The following SLC33A2 variants were observed in gnomAD, a reference collection of about 807,000 sequenced individuals.
The protein encoded by SLC33A2 is major facilitator superfamily domain containing 3.
At chr8:144,510,060 G>C in the SLC33A2 span, 1 of 1,561,730 alleles carries the variant, frequency 6.4e-7, no homozygotes, top group South Asian at 1.2e-5. Context: ...GGGCTTCCGG[G>C]ACAGCTCCAG....
chr8:144,509,812 CCTT>C, the SLC33A2 span: 15 of 1,541,078 alleles, frequency 9.7e-6, no homozygotes, highest in African/African-American at 1.5e-4. Context: ...CTGCTGCCCA[CCTT>C]CTCGTGGCCG....
chr8:144,510,113 T>C, the SLC33A2 span: 7 of 1,416,108 alleles, frequency 4.9e-6, no homozygotes, highest in Non-Finnish European at 4.7e-6. Context: ...GGCCACGCTC[T>C]TTCTGGGGTA....
At chr8:144,510,192 C>T in the SLC33A2 span, 1 of 1,295,164 alleles carries the variant, frequency 7.7e-7, no homozygotes, top group Non-Finnish European at 1.1e-6. Flanking sequence ...CCGCCCCCAG[C>T]TCTAGCCCCA....
chr8:144,511,038 G>A, the SLC33A2 span: 15 of 1,604,584 alleles, frequency 9.3e-6, no homozygotes, highest in East Asian at 4.5e-5. Flanking sequence ...TGGGGAAGCT[G>A]CTGCTGGGCA....
the SLC33A2 span, chr8:144,509,992 G>A: frequency 1.9e-6 from 3 of 1,595,988 alleles, no homozygotes; most frequent in Non-Finnish European, 2.5e-6. Context: ...TGGACGGCAG[G>A]CTTTGTGCTC....
the SLC33A2 span, chr8:144,509,756 C>T: frequency 2.6e-6 from 4 of 1,563,642 alleles, no homozygotes; most frequent in Non-Finnish European, 3.4e-6. Flanking sequence ...TGCAGGTGGT[C>T]GCGTACAAGC....
the SLC33A2 span, chr8:144,510,047 TTGGGG>T: frequency 6.3e-7 from 1 of 1,576,936 alleles, no homozygotes; most frequent in Non-Finnish European, 8.5e-7. Context: ...GCAACAGCAG[TTGGGG>T]CTTCCGGGAC....
chr8:144,509,809 C>T, the SLC33A2 span: 6 of 1,542,286 alleles, frequency 3.9e-6, no homozygotes, highest in African/African-American at 1.4e-5. Flanking sequence ...GCGCTGCTGC[C>T]CACCTTCTCG....
the SLC33A2 span, chr8:144,510,996 ACACTACAGCCTTCTGGCCACG>A: frequency 6.2e-7 from 1 of 1,600,950 alleles, no homozygotes; most frequent in Non-Finnish European, 8.5e-7. Context: ...CTCAGGCCAC[ACACTACAGCCTTCTGGCCACG>A]CTGGAGCTGC....
At chr8:144,510,391 TCTC>T in the SLC33A2 span, 330 of 1,612,670 alleles carry the variant, frequency 2.0e-4, no homozygotes, top group African/African-American at 3.2e-3. Flanking sequence ...TGTTTCCTCT[TCTC>T]CTGCTGGACC....
chr8:144,510,293 G>A, the SLC33A2 span: 5 of 1,593,492 alleles, frequency 3.1e-6, no homozygotes, highest in South Asian at 5.6e-5. Context: ...TGAGGGCCCA[G>A]GTGGGGAGAA....
the SLC33A2 span, chr8:144,509,674 T>C: frequency 6.4e-7 from 1 of 1,556,956 alleles, no homozygotes; most frequent in Non-Finnish European, 8.7e-7. Context: ...GGTGCCGCCA[T>C]GCAGGATGTG....
the SLC33A2 span, chr8:144,510,263 TGAG>T: frequency 5.2e-6 from 8 of 1,545,228 alleles, no homozygotes; most frequent in Admixed American, 3.5e-5. Context: ...TCTGGAACAC[TGAG>T]GAGAGCAGGG....
chr8:144,509,103 T>C, the SLC33A2 span: 1 of 450,386 alleles, frequency 2.2e-6, no homozygotes, highest in Non-Finnish European at 3.8e-6. Flanking sequence ...GCCGCCGGTG[T>C]CCGGACCGCT....
At chr8:144,510,845 C>T in the SLC33A2 span, 1 of 1,610,518 alleles carries the variant, frequency 6.2e-7, no homozygotes, top group Non-Finnish European at 8.5e-7. Context: ...GGCCTGGTCA[C>T]CACAGTCACC....
the SLC33A2 span, chr8:144,510,750 G>C: frequency 1.1e-5 from 18 of 1,604,772 alleles, no homozygotes; most frequent in Non-Finnish European, 1.7e-6. Context: ...AGGAGGAAGA[G>C]AGGGGCCAGG....
the SLC33A2 span, chr8:144,510,074 T>G: frequency 6.5e-7 from 1 of 1,540,402 alleles, no homozygotes; most frequent in Non-Finnish European, 8.7e-7. Flanking sequence ...GCTCCAGGTG[T>G]GTCCCCAGGG....
At chr8:144,510,479 C>T in the SLC33A2 span, 5 of 1,612,798 alleles carry the variant, frequency 3.1e-6, no homozygotes, top group Admixed American at 3.3e-5. Flanking sequence ...TGGCTCCTCC[C>T]TGGGTGGGAC....
chr8:144,510,906 GAGT>G, the SLC33A2 span: 10 of 1,604,078 alleles, frequency 6.2e-6, no homozygotes, highest in Admixed American at 3.3e-5. Flanking sequence ...CCCTGCAGGT[GAGT>G]AGATGTAGCA....
Sources: allele counts gnomAD v4.1 joint callset, GRCh38; gene constraint gnomAD v4.1.1; transcripts MANE v1.5; gene names NCBI Gene and HGNC (gene_info 2026-07-23, HGNC 2026-07-21).